Variants in LRFN5 observed in about 807,000 individuals in gnomAD.
The protein encoded by LRFN5 is leucine-rich repeat and fibronectin type-III domain-containing protein 5.
Under a neutral mutation model 45.6 loss-of-function variants are expected in LRFN5, and 24 were observed. The observed-to-expected ratio is 0.53, with a 90% confidence interval of 0.38 to 0.74. LRFN5 has a LOEUF of 0.74. LRFN5 is among the 30% of genes least tolerant of loss of function. The pLI, the probability that LRFN5 is intolerant of heterozygous loss-of-function variation, is 0.00. For synonymous variants in LRFN5, 340 were observed against 313.8 expected (o/e 1.08, Z -0.88); for missense variants, 776 against 861.5 (o/e 0.90, Z 1.24).
chr14:41,734,357 G>T (rs1884332556), intron 1 of LRFN5, among the ~76,000 whole-genome samples: 1 of 42,788 alleles, frequency 2.3e-5, no homozygotes, highest in African/African-American at 5.1e-5. Context: ...TAAATTTGCT[G>T]TAACTTATTG....
intron 1 of LRFN5, among the ~76,000 whole-genome samples, chr14:41,760,236 A>G (rs1885603207): frequency 6.6e-6 from 1 of 152,116 alleles, no homozygotes; most frequent in Admixed American, 6.6e-5. Context: ...CCTCATCCAT[A>G]AATAAATAAA....
chr14:41,746,394 T>G (rs1884921410), intron 1 of LRFN5, among the ~76,000 whole-genome samples: 1 of 151,972 alleles, frequency 6.6e-6, no homozygotes, highest in South Asian at 2.1e-4. Flanking sequence ...AATATCATAC[T>G]CAGTGGGGCA....
chr14:41,646,204 A>T (rs1166442869), intron 1 of LRFN5, among the ~76,000 whole-genome samples: 1 of 152,178 alleles, frequency 6.6e-6, no homozygotes, highest in African/African-American at 2.4e-5. Context: ...ACTAGAAGTT[A>T]TTCCTTCTGT....
At chr14:41,899,996 C>T (rs947292830) in intron 5 of LRFN5, among the ~76,000 whole-genome samples, 14 of 151,838 alleles carry the variant, frequency 9.2e-5, no homozygotes, top group Admixed American at 2.0e-4. Flanking sequence ...CCCTTTTGTT[C>T]TCTCTCTCAA....
At chr14:41,741,631 C>A (rs1884696670) in intron 1 of LRFN5, among the ~76,000 whole-genome samples, 1 of 151,530 alleles carries the variant, frequency 6.6e-6, no homozygotes, top group Non-Finnish European at 1.5e-5. Context: ...TAATTTTGGT[C>A]TGGGCAAGGA....
intron 2 of LRFN5, among the ~76,000 whole-genome samples, chr14:41,873,873 T>G (rs1386217552): frequency 6.6e-6 from 1 of 152,176 alleles, no homozygotes; most frequent in African/African-American, 2.4e-5. Context: ...GGACTACAGT[T>G]ACAAGAAATG....
intron 1 of LRFN5, among the ~76,000 whole-genome samples, chr14:41,630,466 T>C (rs1296156343): frequency 6.6e-6 from 1 of 152,188 alleles, no homozygotes; most frequent in Non-Finnish European, 1.5e-5. Flanking sequence ...AAATATGCTC[T>C]TGGATTACAT....
chr14:41,670,203 C>G (rs199528785), intron 1 of LRFN5, among the ~76,000 whole-genome samples: 17 of 113,512 alleles, frequency 1.5e-4, no homozygotes, highest in African/African-American at 5.6e-4. Context: ...TATACATTCT[C>G]TGTGTGTGTG....
intron 2 of LRFN5, among the ~76,000 whole-genome samples, chr14:41,847,237 G>T (rs1186012961): frequency 6.6e-6 from 1 of 152,026 alleles, no homozygotes; most frequent in Non-Finnish European, 1.5e-5. Flanking sequence ...TGTTAAAAGT[G>T]AGCTAGTCCT....
intron 2 of LRFN5, among the ~76,000 whole-genome samples, chr14:41,865,341 C>T (rs889904920): frequency 6.6e-6 from 1 of 152,088 alleles, no homozygotes; most frequent in African/African-American, 2.4e-5. Context: ...TATTTTTTGA[C>T]AGGCTGTTTT....
chr14:41,610,660 G>GGAAAAAAAAAAAAAAAAAAAAAAAAAAA (rs1566586963), intron 1 of LRFN5, among the ~76,000 whole-genome samples: 1 of 10,512 alleles, frequency 9.5e-5, no homozygotes, highest in Non-Finnish European at 1.9e-4. Flanking sequence ...CCCAGGGAAG[G>GGAAAAAAAAAAAAAAAAAAAAAAAAAAA]TAAAAAAAAA....
At chr14:41,868,783 A>C (rs1889921952) in intron 2 of LRFN5, among the ~76,000 whole-genome samples, 1 of 152,164 alleles carries the variant, frequency 6.6e-6, no homozygotes, top group Non-Finnish European at 1.5e-5. Context: ...CATTATTCAT[A>C]CCGAAAAGTG....
intron 4 of LRFN5, chr14:41,894,650 T>A (rs184715459): frequency 0.039 from 38,063 of 980,848 alleles, 989 homozygotes; most frequent in African/African-American, 0.13. Context: ...GACTGAAAAG[T>A]AAGTCTACAG....
At chr14:41,838,587 C>G (rs572343233) in intron 2 of LRFN5, among the ~76,000 whole-genome samples, 1 of 152,168 alleles carries the variant, frequency 6.6e-6, no homozygotes, top group South Asian at 2.1e-4. Flanking sequence ...TCTCCCTGTT[C>G]TCCTTGAGGT....
intron 2 of LRFN5, among the ~76,000 whole-genome samples, chr14:41,770,729 T>A (rs1039348127): frequency 2.0e-5 from 3 of 152,172 alleles, no homozygotes; most frequent in African/African-American, 7.2e-5. Flanking sequence ...TGTATGCTTG[T>A]GGCTTTTCTG....
At chr14:41,674,208 C>T (rs1881445413) in intron 1 of LRFN5, among the ~76,000 whole-genome samples, 2 of 138,124 alleles carry the variant, frequency 1.4e-5, no homozygotes, top group Non-Finnish European at 3.2e-5. Context: ...GGGGCTGACC[C>T]CCCCACCTCC....
intron 2 of LRFN5, among the ~76,000 whole-genome samples, chr14:41,825,050 C>G (rs1230296461): frequency 6.6e-6 from 1 of 152,210 alleles, no homozygotes. Context: ...GCTGCAATGG[C>G]CTCTGGGCAG....
At chr14:41,665,224 A>G (rs1047692203) in intron 1 of LRFN5, among the ~76,000 whole-genome samples, 4 of 151,996 alleles carry the variant, frequency 2.6e-5, no homozygotes, top group Admixed American at 6.6e-5. Flanking sequence ...ATGGCCAGAT[A>G]TAAGACTAAT....
At chr14:41,652,581 A>T (rs1180759098) in intron 1 of LRFN5, among the ~76,000 whole-genome samples, 2 of 152,086 alleles carry the variant, frequency 1.3e-5, no homozygotes, top group African/African-American at 2.4e-5. Flanking sequence ...ACAAGGAGTG[A>T]CAGGCTGGTT....
Sources: allele counts gnomAD v4.1 joint callset (sites outside exome capture counted in the v4.1 genomes callset), GRCh38; gene constraint gnomAD v4.1.1; transcripts MANE v1.5; gene names NCBI Gene and HGNC (gene_info 2026-07-23, HGNC 2026-07-21).